Variants in SNCG observed in about 807,000 individuals in gnomAD.
SNCG encodes synuclein gamma, also known as gamma-synuclein.
SNCG carries 13 observed loss-of-function variants against 16.0 expected under a neutral mutation model. The ratio of observed to expected loss-of-function variants is 0.81; its 90% CI spans 0.53 to 1.29. The LOEUF is 1.29. Ranked by LOEUF, SNCG falls within the 50% of genes most tolerant of loss-of-function variation. The probability of loss-of-function intolerance (pLI) is 0.00; values close to 1 mark genes in which losing one functional copy is unlikely to be tolerated. For missense variants in SNCG, 154 were observed against 168.5 expected (o/e 0.91, Z 0.48); for synonymous variants, 66 against 66.3 (o/e 1.00, Z 0.02).
upstream of SNCG, among the ~76,000 whole-genome samples, chr10:86,957,192 A>C (rs1844248970): frequency 6.6e-6 from 1 of 152,146 alleles, no homozygotes; most frequent in Admixed American, 6.5e-5. Context: ...ACTCCCTGCA[A>C]TTCTTAGGTG....
intron 3 of SNCG, among the ~76,000 whole-genome samples, chr10:86,962,032 T>C (rs1406195432): frequency 2.6e-5 from 4 of 152,246 alleles, no homozygotes. Context: ...TAACCTCTGC[T>C]GGCCCTGACC....
chr10:86,959,884 G>A lies in SNCG; in HGVS notation c.164-117G>A. 1.3e-6 allele frequency: 2 copies of A among 1,490,690 alleles called. No homozygotes were observed. Among genetic ancestry groups the A allele is most frequent in the South Asian group, 2.5e-5 (2 of 79,480 alleles). 92.3% of individuals were successfully genotyped at this position (1,490,690 alleles called of 1,614,324 possible). A position where few individuals can be genotyped will look rare whatever the true frequency, so the allele number is the denominator to read the frequency against. ...GTGCCCTGGAGTCAGAGGGAGCAGG[G>A]GAGGGTCCCAGCAGGGCCAGGGCTC... On this transcript the variant is annotated intron_variant, in intron 2 of 4. Transcript: ENST00000372017. The surrounding 1 kb of genome is among the most constrained non-coding windows in gnomAD (Gnocchi z 4.3).
upstream of SNCG, chr10:86,957,871 A>G (rs769736298): frequency 1.1e-4 from 128 of 1,114,972 alleles, no homozygotes; most frequent in Non-Finnish European, 1.3e-4. Flanking sequence ...AAGAGCGTGG[A>G]CTTCGAGGTG....
rs544846132 is a variant in SNCG, at chr10:86,959,806, G to A, written c.163+132G>A. The stretch of plus-strand genomic sequence containing the variant: ...GTCCCAAGCCCTACAGACCCCTGCA[G>A]ACCATGAGGCTAAACTAGGGTGGGC... On this transcript the variant is annotated intron_variant, in intron 2 of 4. Coordinates refer to ENST00000372017, the MANE Select transcript of SNCG (RefSeq NM_003087.3). This position sits in a 1 kb window ranked among gnomAD's most constrained non-coding sequence, Gnocchi z 4.3. The A allele has an allele frequency of 6.7e-5, 84 of 1,252,314 alleles. No individual in the cohort carries two copies. The highest frequency in any genetic ancestry group is 6.1e-4 in the Middle Eastern group (3 of 4,916). The allele number at this position is 1,252,314 out of a possible 1,614,324, so 77.6% of individuals were successfully genotyped here. A position where few individuals can be genotyped will look rare whatever the true frequency, so the allele number is the denominator to read the frequency against.
rs1844386405 is a variant in SNCG at position 86,963,151 on chromosome 10, C to A, written c.*166C>A. ...TGTCCACCTGTGCTGCTGCACCAAC[C>A]TCACTGCCCTCCCTCGGCCCCACCC... On this transcript the variant is annotated 3_prime_UTR_variant, in exon 5 of 5. Coordinates refer to ENST00000372017, the MANE Select transcript of SNCG (RefSeq NM_003087.3). 1.9e-6 allele frequency: 1 copy of A among 540,014 alleles called. No individual in the cohort carries two copies. Among genetic ancestry groups the A allele is most frequent in the Non-Finnish European group, 3.1e-6 (1 of 318,604 alleles). 33.5% of individuals were successfully genotyped at this position (540,014 alleles called of 1,614,324 possible).
chr10:86,959,620 A>G lies in SNCG; in HGVS notation c.122-13A>G. The G allele has an allele frequency of 6.2e-7, 1 of 1,612,894 alleles. No homozygotes were observed. The highest frequency in any genetic ancestry group is 1.1e-5 in the South Asian group (1 of 91,026). On this transcript the variant is annotated splice_polypyrimidine_tract_variant and intron_variant, in intron 1 of 4. Transcript: ENST00000372017. This position sits in a 1 kb window ranked among gnomAD's most constrained non-coding sequence, Gnocchi z 4.3. ...GAGGGAGGTCTGGGCTGACAGCTCCATTTCCTCCCCAGGAGCCAAGACCAA... is the reference window on the plus strand; with the variant it reads ...GAGGGAGGTCTGGGCTGACAGCTCCGTTTCCTCCCCAGGAGCCAAGACCAA...
Position 86,959,710 on chromosome 10 carries a change from T to G in SNCG, c.163+36T>G, listed in dbSNP as rs555702276. 6.4e-7 allele frequency: 1 copy of G among 1,569,670 alleles called. No individual in the cohort carries two copies. Among genetic ancestry groups the G allele is most frequent in the South Asian group, 1.2e-5 (1 of 84,506 alleles). On this transcript the variant is annotated intron_variant, in intron 2 of 4. Coordinates refer to ENST00000372017, the MANE Select transcript of SNCG (RefSeq NM_003087.3). The surrounding 1 kb of genome is among the most constrained non-coding windows in gnomAD (Gnocchi z 4.3). Reference sequence around the variant, plus strand: ...CCAGGGCCAGGGGACACATGGGGGATAGGACCCCTGGGGCTCCTGCATCCT... The same window carrying G: ...CCAGGGCCAGGGGACACATGGGGGAGAGGACCCCTGGGGCTCCTGCATCCT...
In SNCG at chr10:86,963,081, C is replaced by T. The variant is rs1472896135; in HGVS notation, c.*96C>T. 1.2e-5 allele frequency: 15 copies of T among 1,281,382 alleles called. No homozygotes were observed. Among genetic ancestry groups the T allele is most frequent in the African/African-American group, 3.0e-5 (2 of 67,542 alleles). The allele number at this position is 1,281,382 out of a possible 1,614,324, so 79.4% of individuals were successfully genotyped here. A position where few individuals can be genotyped will look rare whatever the true frequency, so the allele number is the denominator to read the frequency against. Reference sequence around the variant, plus strand: ...AGGAGTGCCCGCCTTGAGTGACATGCGGCTGCCCACGCTCCTGCCCTCGTC... The same window carrying T: ...AGGAGTGCCCGCCTTGAGTGACATGTGGCTGCCCACGCTCCTGCCCTCGTC... On this transcript the variant is annotated 3_prime_UTR_variant, in exon 5 of 5. Coordinates refer to ENST00000372017, the MANE Select transcript of SNCG (RefSeq NM_003087.3).
At chr10:86,961,020 G>A (rs1258639662) in intron 3 of SNCG, among the ~76,000 whole-genome samples, 1 of 152,134 alleles carries the variant, frequency 6.6e-6, no homozygotes, top group African/African-American at 2.4e-5. Context: ...TGGTGGCCTG[G>A]GCTAGGATTC....
chr10:86,956,489 G>A (rs11816047), upstream of SNCG, among the ~76,000 whole-genome samples: 1,926 of 152,314 alleles, frequency 0.013, 32 homozygotes, highest in African/African-American at 0.045. Flanking sequence ...CAGGTCTGGT[G>A]TGTGGGGGCA....
upstream of SNCG, among the ~76,000 whole-genome samples, chr10:86,955,885 A>G (rs1844216903): frequency 1.3e-5 from 2 of 152,086 alleles, no homozygotes; most frequent in Non-Finnish European, 2.9e-5. Context: ...TCAGAACCCC[A>G]GAGAAGGACT....
At chr10:86,956,874 G>C (rs1844243229), upstream of SNCG, among the ~76,000 whole-genome samples, 1 of 152,232 alleles carries the variant, frequency 6.6e-6, no homozygotes, top group African/African-American at 2.4e-5. Flanking sequence ...AGACCATCCT[G>C]CCCACTTGCT....
chr10:86,957,649 G>T, upstream of SNCG: 1 of 1,425,432 alleles, frequency 7.0e-7, no homozygotes, highest in Non-Finnish European at 9.4e-7. Flanking sequence ...GAAAATACGA[G>T]GACAACAAAG....
chr10:86,960,843 T>C lies in SNCG; in HGVS notation c.291+715T>C, dbSNP rs556571214. 1.6e-4 allele frequency among the ~76,000 whole-genome samples: 24 copies of C among 152,360 alleles called. No homozygotes were observed. In the South Asian group the frequency reaches 5.0e-3, roughly 32 times the overall value. On this transcript the variant is annotated intron_variant, in intron 3 of 4. Transcript: ENST00000372017. ...ACCTGTGACACAGCAAGCTCTGCTTTACGCATTGTACGCTTATTAGTTCAT... is the reference window on the plus strand; with the variant it reads ...ACCTGTGACACAGCAAGCTCTGCTTCACGCATTGTACGCTTATTAGTTCAT...
intron 3 of SNCG, among the ~76,000 whole-genome samples, chr10:86,961,098 G>A (rs1237708501): frequency 6.6e-6 from 1 of 152,094 alleles, no homozygotes; most frequent in Non-Finnish European, 1.5e-5. Context: ...CTAGGTGGTG[G>A]AGTCTGAGGC....
At chr10:86,957,718 T>C (rs1310239083), upstream of SNCG, 1 of 1,335,242 alleles carries the variant, frequency 7.5e-7, no homozygotes, top group Non-Finnish European at 9.8e-7. Context: ...CCAACTACCC[T>C]GGCTGGCCCC....
chr10:86,957,967 T>A (rs1844264439), upstream of SNCG: 1 of 1,022,844 alleles, frequency 9.8e-7, no homozygotes, highest in African/African-American at 1.7e-5. Context: ...AATTCATGCC[T>A]CCTCAGCACC....
At chr10:86,958,869 C>T in intron 1 of SNCG, 51 bp downstream of exon 1, 1 of 1,543,046 alleles carries the variant, frequency 6.5e-7, no homozygotes, top group Non-Finnish European at 8.8e-7. Context: ...AGGGTGAGTG[C>T]CCAGTTACCT....
upstream of SNCG, chr10:86,957,320 G>C (rs1844250945): frequency 6.4e-7 from 1 of 1,571,766 alleles, no homozygotes; most frequent in Middle Eastern, 2.2e-4. Context: ...CTCTGCTCTA[G>C]CTGAGCTGGG....
Sources: allele counts gnomAD v4.1 joint callset (sites outside exome capture counted in the v4.1 genomes callset), GRCh38; gene constraint gnomAD v4.1.1; non-coding constraint Gnocchi (gnomAD v3.1); transcripts MANE v1.5; gene names NCBI Gene and HGNC (gene_info 2026-07-23, HGNC 2026-07-21).